Variants in LDB2 observed in about 807,000 individuals in gnomAD.
LDB2 encodes the protein LIM domain-binding protein 2.
Under a neutral mutation model 44.3 loss-of-function variants are expected in LDB2, and 12 were observed. The ratio of observed to expected loss-of-function variants is 0.27; its 90% CI spans 0.17 to 0.44. LDB2 has a LOEUF of 0.44. Ranked by LOEUF, LDB2 falls within the 20% of genes least tolerant of loss-of-function variation. The pLI is 1.00. For synonymous variants in LDB2, 164 were observed against 174.8 expected (o/e 0.94, Z 0.49); for missense variants, 344 against 473.5 (o/e 0.73, Z 2.54).
At chr4:16,708,349 AAC>A (rs145560983) in intron 2 of LDB2, among the ~76,000 whole-genome samples, 1 of 151,826 alleles carries the variant, frequency 6.6e-6, no homozygotes, top group African/African-American at 2.4e-5. Flanking sequence ...TGAAAATTAA[AAC>A]ACACACACAC....
chr4:16,508,692 A>T lies in LDB2; in HGVS notation c.740-6T>A. 6.2e-7 allele frequency: 1 copy of T among 1,613,080 alleles called. No homozygotes were observed. Among genetic ancestry groups the T allele is most frequent in the Non-Finnish European group, 8.5e-7 (1 of 1,179,500 alleles). On this transcript the variant is annotated splice_polypyrimidine_tract_variant and splice_region_variant and intron_variant, in intron 6 of 7. Transcript: ENST00000304523. The stretch of plus-strand genomic sequence containing the variant: ...TGGTTGCCTTGTGGGTTCTGCTGCA[A>T]TATGGAAAAGGGAAGAGGGATCAGT...
chr4:16,559,442 A>G (rs1202595354), intron 5 of LDB2, among the ~76,000 whole-genome samples: 1 of 152,220 alleles, frequency 6.6e-6, no homozygotes, highest in Admixed American at 6.5e-5. Context: ...CAGACTTTAA[A>G]CCAACAAAGA....
chr4:16,833,177 C>CTAA (rs1055233815), intron 1 of LDB2, among the ~76,000 whole-genome samples: 9 of 152,102 alleles, frequency 5.9e-5, no homozygotes, highest in Non-Finnish European at 8.8e-5. Flanking sequence ...CTAGGTCTGT[C>CTAA]TAATGTTCAG....
At chr4:16,624,673 G>C (rs1192669737) in intron 2 of LDB2, among the ~76,000 whole-genome samples, 1 of 152,118 alleles carries the variant, frequency 6.6e-6, no homozygotes, top group Non-Finnish European at 1.5e-5. Flanking sequence ...GTCTCTTACT[G>C]TGTAGGACCA....
intron 2 of LDB2, among the ~76,000 whole-genome samples, chr4:16,717,708 C>A: frequency 6.6e-6 from 1 of 152,126 alleles, no homozygotes; most frequent in South Asian, 2.1e-4. Flanking sequence ...CTGATAAACA[C>A]CTCCCCTTGG....
chr4:16,547,120 A>G (rs896075620), intron 5 of LDB2, among the ~76,000 whole-genome samples: 1 of 152,212 alleles, frequency 6.6e-6, no homozygotes, highest in African/African-American at 2.4e-5. Context: ...CTTCAATCCA[A>G]TGACAGATGC....
intron 2 of LDB2, among the ~76,000 whole-genome samples, chr4:16,601,056 A>G (rs964967296): frequency 6.6e-6 from 1 of 152,284 alleles, no homozygotes; most frequent in South Asian, 2.1e-4. Context: ...ATAACCACAT[A>G]TGAAAATATT....
At chr4:16,850,721 G>C (rs984795348) in intron 1 of LDB2, among the ~76,000 whole-genome samples, 12 of 152,156 alleles carry the variant, frequency 7.9e-5, no homozygotes, top group Non-Finnish European at 1.5e-4. Flanking sequence ...TCAAATTCTG[G>C]ATTGGGTAGA....
chr4:16,632,861 T>C (rs1362927673), intron 2 of LDB2, among the ~76,000 whole-genome samples: 1 of 152,176 alleles, frequency 6.6e-6, no homozygotes, highest in East Asian at 1.9e-4. Flanking sequence ...AGTTCGACCA[T>C]TGTGGAAGAC....
chr4:16,661,262 A>G (rs1484298412), intron 2 of LDB2, among the ~76,000 whole-genome samples: 1 of 152,236 alleles, frequency 6.6e-6, no homozygotes, highest in Non-Finnish European at 1.5e-5. Context: ...CAGTTTTGGC[A>G]CAAAAAGACA....
rs191993705 is a variant in LDB2 at position 16,544,763 on chromosome 4, T to C, written c.616-32659A>G. On this transcript the variant is annotated intron_variant, in intron 5 of 7. Transcript: ENST00000304523. ...AGTTCTGACCAAGATGAATTTGACA[T>C]GTCTGTTAGACTTCCAAGTGAAAAC... Among the ~76,000 whole-genome samples the C allele has an allele frequency of 1.0e-3, 154 of 152,298 alleles. 1 individual carries two copies. The highest frequency in any genetic ancestry group is 4.3e-4 in the Non-Finnish European group (29 of 68,014).
At chr4:16,815,275 A>G (rs1451069986) in intron 1 of LDB2, among the ~76,000 whole-genome samples, 2 of 152,238 alleles carry the variant, frequency 1.3e-5, no homozygotes, top group Non-Finnish European at 2.9e-5. Flanking sequence ...AATACTTCAG[A>G]TTAAAAGTCT....
chr4:16,832,223 A>G (rs1259860999), intron 1 of LDB2, among the ~76,000 whole-genome samples: 1 of 152,250 alleles, frequency 6.6e-6, no homozygotes, highest in Non-Finnish European at 1.5e-5. Flanking sequence ...TCTCATCTTC[A>G]GTACCCCAAG....
At chr4:16,815,179 A>G (rs1188993539) in intron 1 of LDB2, among the ~76,000 whole-genome samples, 1 of 152,246 alleles carries the variant, frequency 6.6e-6, no homozygotes, top group Non-Finnish European at 1.5e-5. Flanking sequence ...TTGGGAAGAC[A>G]GTGTAAAATC....
chr4:16,525,448 A>T (rs781311732), intron 5 of LDB2, among the ~76,000 whole-genome samples: 1 of 152,220 alleles, frequency 6.6e-6, no homozygotes, highest in African/African-American at 2.4e-5. Context: ...GTGCGCTTGT[A>T]TCTGCAGCCC....
intron 2 of LDB2, among the ~76,000 whole-genome samples, chr4:16,600,904 G>T (rs1722401744): frequency 6.6e-6 from 1 of 151,914 alleles, no homozygotes; most frequent in Non-Finnish European, 1.5e-5. Flanking sequence ...TCATAAAGAA[G>T]ACATAAACTA....
At chr4:16,685,220 A>C (rs1245669460) in intron 2 of LDB2, among the ~76,000 whole-genome samples, 1 of 152,196 alleles carries the variant, frequency 6.6e-6, no homozygotes, top group African/African-American at 2.4e-5. Context: ...GCAGAGCTTG[A>C]GTCCCAGGAG....
At chr4:16,634,682 C>T (rs1346064954) in intron 2 of LDB2, among the ~76,000 whole-genome samples, 1 of 152,124 alleles carries the variant, frequency 6.6e-6, no homozygotes, top group African/African-American at 2.4e-5. Flanking sequence ...AACACTTTTA[C>T]ACTGTTGGCG....
chr4:16,590,094 C>T (rs1718390238), intron 3 of LDB2, among the ~76,000 whole-genome samples: 1 of 152,174 alleles, frequency 6.6e-6, no homozygotes, highest in African/African-American at 2.4e-5. Context: ...TAATGGTCAT[C>T]ATGTGCCACC....
Sources: gnomAD v4.1 joint callset for allele counts (sites outside exome capture counted in the v4.1 genomes callset) on GRCh38, gnomAD v4.1.1 for gene constraint, MANE v1.5 for transcripts, NCBI Gene and HGNC (gene_info 2026-07-23, HGNC 2026-07-21) for gene names.